The following EML4 variants were observed in gnomAD, a reference collection of about 807,000 sequenced individuals.
EML4 encodes the protein EMAP like 4, also known as echinoderm microtubule-associated protein-like 4.
A neutral mutation model predicts 129.0 loss-of-function variants in EML4; 72 were observed. That is an observed-to-expected ratio of 0.56 (90% CI 0.46 to 0.68). EML4 has a LOEUF of 0.68. EML4 is among the 30% of genes least tolerant of loss of function. EML4 has a pLI of 0.00. For missense variants in EML4, 1,363 were observed against 1,190.6 expected (o/e 1.14, Z -2.13); for synonymous variants, 532 against 405.0 (o/e 1.31, Z -3.77).
At chr2:42,283,663 A>G (rs923055940) in intron 8 of EML4, among the ~76,000 whole-genome samples, 1 of 152,200 alleles carries the variant, frequency 6.6e-6, no homozygotes, top group Admixed American at 6.5e-5. Flanking sequence ...GATGACTATT[A>G]TAATATTATA....
intron 2 of EML4, among the ~76,000 whole-genome samples, chr2:42,252,908 T>TA (rs1675876352): frequency 6.6e-6 from 1 of 152,210 alleles, no homozygotes; most frequent in African/African-American, 2.4e-5. Context: ...TTACTGTACT[T>TA]ACCACGTTTT....
intron 1 of EML4, among the ~76,000 whole-genome samples, chr2:42,234,844 C>G (rs547044101): frequency 1.1e-3 from 163 of 152,214 alleles, no homozygotes; most frequent in Non-Finnish European, 1.6e-3. Context: ...TGAACTCTAA[C>G]CAAAAAACAT....
intron 1 of EML4, among the ~76,000 whole-genome samples, chr2:42,191,758 A>G (rs1376706223): frequency 6.6e-6 from 1 of 152,176 alleles, no homozygotes; most frequent in Non-Finnish European, 1.5e-5. Context: ...CTCAAACTGA[A>G]TTTTAAAAAT....
chr2:42,307,028 A>G (rs559855714), intron 17 of EML4, among the ~76,000 whole-genome samples: 1 of 152,230 alleles, frequency 6.6e-6, no homozygotes, highest in South Asian at 2.1e-4. Context: ...TGACAATTAA[A>G]TCACTGATTG....
Position 42,286,264 on chromosome 2 carries a change from TG to T in EML4, c.1012-4del. On this transcript the variant is annotated splice_region_variant and splice_polypyrimidine_tract_variant and intron_variant, in intron 9 of 22. Transcript: ENST00000318522. ...CAGTTGCTCTGCTGTCTTGTGTTTT[TG>T]CAGCCTCTACAACCCCACGTCAGAG... The T allele has an allele frequency of 6.3e-7, 1 of 1,585,816 alleles. No homozygotes were observed. Among genetic ancestry groups the T allele is most frequent in the Non-Finnish European group, 8.7e-7 (1 of 1,154,098 alleles).
chr2:42,307,899 C>T (rs1572731385), intron 17 of EML4, among the ~76,000 whole-genome samples: 1 of 152,354 alleles, frequency 6.6e-6, no homozygotes, highest in East Asian at 1.9e-4. Context: ...AAGTGATCAC[C>T]TTGCCTGGGC....
At chr2:42,307,631 G>A (rs559022718) in intron 17 of EML4, among the ~76,000 whole-genome samples, 93 of 152,192 alleles carry the variant, frequency 6.1e-4, no homozygotes, top group African/African-American at 2.2e-3. Flanking sequence ...TCACACCTAG[G>A]GTTAAGAAAT....
chr2:42,244,806 G>C (rs1675278218), intron 1 of EML4, among the ~76,000 whole-genome samples: 1 of 152,082 alleles, frequency 6.6e-6, no homozygotes, highest in African/African-American at 2.4e-5. Context: ...TTTTCATAGA[G>C]AACTGTGATA....
intron 1 of EML4, among the ~76,000 whole-genome samples, chr2:42,184,456 C>T (rs1671129210): frequency 6.9e-6 from 1 of 144,470 alleles, no homozygotes; most frequent in Non-Finnish European, 1.5e-5. Flanking sequence ...TAAGAACTTT[C>T]ATCTCAAGTT....
rs1665830895 is a variant in EML4 at position 42,263,015 on chromosome 2, G to GT, written c.513-160dup. ...ATAATACAGATTTGGGAATTGCCTT[G>GT]TTTAACTCCTTCACTCATCCAGGCA... On this transcript the variant is annotated intron_variant, in intron 4 of 22. Coordinates refer to ENST00000318522, the MANE Select transcript of EML4 (RefSeq NM_019063.5). Among the ~76,000 whole-genome samples, 4 of 152,258 alleles carry GT rather than the reference G, an allele frequency of 2.6e-5. No homozygotes were observed. In the South Asian group the frequency reaches 8.3e-4, roughly 32 times the overall value.
At chr2:42,199,410 T>A (rs190834069) in intron 1 of EML4, among the ~76,000 whole-genome samples, 217 of 152,156 alleles carry the variant, frequency 1.4e-3, no homozygotes, top group African/African-American at 5.1e-3. Flanking sequence ...GACTGAGAAG[T>A]TGATTGATGA....
At chr2:42,191,573 A>G (rs1238721294) in intron 1 of EML4, among the ~76,000 whole-genome samples, 1 of 152,196 alleles carries the variant, frequency 6.6e-6, no homozygotes, top group African/African-American at 2.4e-5. Flanking sequence ...CAAATGAAGG[A>G]TAGGGTAGTG....
At chr2:42,296,292 C>G (rs189068562) in intron 13 of EML4, among the ~76,000 whole-genome samples, 39 of 151,924 alleles carry the variant, frequency 2.6e-4, no homozygotes, top group African/African-American at 9.4e-4. Context: ...CAGGTGGTAA[C>G]AGTAGAAATA....
At chr2:42,227,750 C>T (rs1168626743) in intron 1 of EML4, among the ~76,000 whole-genome samples, 2 of 152,188 alleles carry the variant, frequency 1.3e-5, no homozygotes, top group African/African-American at 4.8e-5. Flanking sequence ...CTTTTATGAA[C>T]ATCCATTTCC....
intron 1 of EML4, among the ~76,000 whole-genome samples, chr2:42,184,574 A>G (rs1671138033): frequency 6.6e-6 from 1 of 151,950 alleles, no homozygotes; most frequent in Non-Finnish European, 1.5e-5. Context: ...TTCCCTCTGT[A>G]TCCCTTTTCT....
intron 11 of EML4, among the ~76,000 whole-genome samples, chr2:42,292,579 T>A (rs578119468): frequency 3.3e-5 from 5 of 152,296 alleles, no homozygotes; most frequent in African/African-American, 1.2e-4. Flanking sequence ...TCTTTGCTGC[T>A]AAGAGTCAGG....
At chr2:42,263,855 G>T (rs1310373750) in intron 5 of EML4, among the ~76,000 whole-genome samples, 1 of 151,686 alleles carries the variant, frequency 6.6e-6, no homozygotes, top group African/African-American at 2.4e-5. Context: ...TTAGCCTCCC[G>T]AGTAGCTGGG....
intron 11 of EML4, among the ~76,000 whole-genome samples, chr2:42,293,910 A>G (rs755255656): frequency 2.6e-5 from 4 of 152,122 alleles, no homozygotes; most frequent in African/African-American, 7.2e-5. Flanking sequence ...CGCCCGGCCC[A>G]TGTTGTTTTG....
chr2:42,239,463 A>G (rs1674878332), intron 1 of EML4, among the ~76,000 whole-genome samples: 1 of 152,222 alleles, frequency 6.6e-6, no homozygotes, highest in African/African-American at 2.4e-5. Flanking sequence ...CAAACTTTAT[A>G]AAGTTTACGA....
Sources: gnomAD v4.1 joint callset for allele counts (sites outside exome capture counted in the v4.1 genomes callset) on GRCh38, gnomAD v4.1.1 for gene constraint, MANE v1.5 for transcripts, NCBI Gene and HGNC (gene_info 2026-07-23, HGNC 2026-07-21) for gene names.